HOMER1: variants seen among roughly 807,000 people sequenced by gnomAD.
HOMER1 encodes the protein homer scaffold protein 1.
Under a neutral mutation model 48.9 loss-of-function variants are expected in HOMER1, and 3 were observed. That is an observed-to-expected ratio of 0.06 (90% CI 0.03 to 0.16). HOMER1 has a LOEUF of 0.16. Among genes scored for constraint, HOMER1 ranks in the 10% least tolerant of loss-of-function variants. The pLI, the probability that HOMER1 is intolerant of heterozygous loss-of-function variation, is 1.00. For synonymous variants in HOMER1, 134 were observed against 146.4 expected (o/e 0.92, Z 0.61); for missense variants, 247 against 411.4 (o/e 0.60, Z 3.46).
intron 1 of HOMER1, among the ~76,000 whole-genome samples, chr5:79,497,000 C>T (rs915991601): frequency 7.4e-6 from 1 of 134,272 alleles, no homozygotes; most frequent in African/African-American, 2.8e-5. Flanking sequence ...CAGGAGGCTT[C>T]AGTGAGCTGA....
intron 5 of HOMER1, among the ~76,000 whole-genome samples, chr5:79,406,780 C>T (rs1749672583): frequency 6.6e-6 from 1 of 152,196 alleles, no homozygotes; most frequent in Non-Finnish European, 1.5e-5. Flanking sequence ...AGGTCTCTAA[C>T]CTGTGGGACA....
chr5:79,456,078 C>T (rs182887510), intron 2 of HOMER1, among the ~76,000 whole-genome samples: 3 of 151,274 alleles, frequency 2.0e-5, no homozygotes, highest in East Asian at 3.9e-4. Flanking sequence ...TCACTTGAAC[C>T]CAGGAGGCAG....
At chr5:79,478,540 AT>A (rs1481113928) in intron 1 of HOMER1, among the ~76,000 whole-genome samples, 1 of 150,254 alleles carries the variant, frequency 6.7e-6, no homozygotes. Flanking sequence ...ATACAAAAAA[AT>A]AAATAAATAA....
chr5:79,429,888 C>T (rs974984676), intron 5 of HOMER1, among the ~76,000 whole-genome samples: 4 of 151,662 alleles, frequency 2.6e-5, no homozygotes, highest in African/African-American at 7.3e-5. Context: ...CTAGGCATGG[C>T]GGCGGGCGCC....
intron 5 of HOMER1, among the ~76,000 whole-genome samples, chr5:79,436,074 C>T (rs1430838435): frequency 6.7e-6 from 1 of 150,328 alleles, no homozygotes; most frequent in Non-Finnish European, 1.5e-5. Flanking sequence ...TGCAGTGAGC[C>T]GAGATTGCGC....
chr5:79,386,964 C>G (rs908688275), intron 8 of HOMER1, among the ~76,000 whole-genome samples: 38 of 141,408 alleles, frequency 2.7e-4, no homozygotes, highest in African/African-American at 1.0e-3. Flanking sequence ...TCTTCCTTCC[C>G]TTCCCTTCTT....
At chr5:79,430,472 A>C (rs1750392310) in intron 5 of HOMER1, among the ~76,000 whole-genome samples, 1 of 152,248 alleles carries the variant, frequency 6.6e-6, no homozygotes, top group Non-Finnish European at 1.5e-5. Context: ...AAGGCTAAAC[A>C]TAGAATTACC....
At chr5:79,452,329 C>T (rs1310780759) in intron 2 of HOMER1, among the ~76,000 whole-genome samples, 1 of 152,140 alleles carries the variant, frequency 6.6e-6, no homozygotes. Context: ...TAAATATTAA[C>T]TTTGGTGATC....
chr5:79,501,424 G>T (rs1752586369), intron 1 of HOMER1, among the ~76,000 whole-genome samples: 1 of 152,166 alleles, frequency 6.6e-6, no homozygotes, highest in African/African-American at 2.4e-5. Flanking sequence ...TAAGCTTTGG[G>T]AGAGTCAAAA....
chr5:79,504,809 C>T (rs1005776028), intron 1 of HOMER1, among the ~76,000 whole-genome samples: 2 of 152,186 alleles, frequency 1.3e-5, no homozygotes, highest in African/African-American at 2.4e-5. Context: ...ATCCAACTAT[C>T]GGCCTAATTG....
chr5:79,471,647 G>A (rs529712785), intron 1 of HOMER1, among the ~76,000 whole-genome samples: 5 of 151,714 alleles, frequency 3.3e-5, no homozygotes, highest in Admixed American at 1.3e-4. Context: ...ATCAGCTTCC[G>A]TGGCCTGGGT....
intron 1 of HOMER1, among the ~76,000 whole-genome samples, chr5:79,503,190 A>G (rs1752652775): frequency 6.6e-6 from 1 of 152,218 alleles, no homozygotes; most frequent in South Asian, 2.1e-4. Context: ...TGTGTATTAT[A>G]TACTGTACTC....
At chr5:79,487,306 G>A (rs751999400) in intron 1 of HOMER1, among the ~76,000 whole-genome samples, 20 of 151,830 alleles carry the variant, frequency 1.3e-4, no homozygotes, top group Non-Finnish European at 2.5e-4. Flanking sequence ...GAAAGAATAC[G>A]TTTCATAATG....
chr5:79,399,890 C>A (rs1322350799), intron 6 of HOMER1, among the ~76,000 whole-genome samples: 2 of 151,984 alleles, frequency 1.3e-5, no homozygotes, highest in African/African-American at 4.8e-5. Context: ...GAAACAATAC[C>A]TGATAGAAAT....
intron 6 of HOMER1, among the ~76,000 whole-genome samples, chr5:79,399,172 T>G (rs1339282543): frequency 6.6e-6 from 1 of 152,206 alleles, no homozygotes; most frequent in African/African-American, 2.4e-5. Context: ...AAAAGTCAAC[T>G]GTTTGAAGGA....
chr5:79,418,509 T>C (rs1750005311), intron 5 of HOMER1, among the ~76,000 whole-genome samples: 1 of 152,224 alleles, frequency 6.6e-6, no homozygotes, highest in Non-Finnish European at 1.5e-5. Flanking sequence ...TTGCTGTTTT[T>C]CCAGTACAGT....
At chr5:79,436,392 G>A (rs1750584897) in intron 5 of HOMER1, among the ~76,000 whole-genome samples, 1 of 152,134 alleles carries the variant, frequency 6.6e-6, no homozygotes, top group South Asian at 2.1e-4. Context: ...CTAATGTACT[G>A]TAACTGACAG....
chr5:79,394,062 A>G (rs529147142), intron 8 of HOMER1, among the ~76,000 whole-genome samples: 4 of 152,244 alleles, frequency 2.6e-5, no homozygotes, highest in African/African-American at 9.6e-5. Context: ...AATTTTTTTT[A>G]CAATGGGCAT....
At chr5:79,477,485 T>C (rs1411048987) in intron 1 of HOMER1, among the ~76,000 whole-genome samples, 2 of 152,242 alleles carry the variant, frequency 1.3e-5, no homozygotes, top group African/African-American at 4.8e-5. Context: ...GTTGGCTGGA[T>C]ATGAGGCCAT....
Sources: allele counts gnomAD v4.1 joint callset (sites outside exome capture counted in the v4.1 genomes callset), GRCh38; gene constraint gnomAD v4.1.1; transcripts MANE v1.5; gene names NCBI Gene and HGNC (gene_info 2026-07-23, HGNC 2026-07-21).